Variants in TPR observed in about 807,000 individuals in gnomAD.
TPR encodes the protein nucleoprotein TPR.
TPR carries 51 observed loss-of-function variants against 316.1 expected under a neutral mutation model. The ratio of observed to expected loss-of-function variants is 0.16; its 90% CI spans 0.13 to 0.20. The LOEUF is 0.20. TPR is among the 10% of genes least tolerant of loss of function. The pLI is 1.00. For missense variants in TPR, 2,272 were observed against 2,754.8 expected (o/e 0.82, Z 3.92); for synonymous variants, 981 against 914.7 (o/e 1.07, Z -1.31).
intron 48 of TPR, 120 bp downstream of exon 48, chr1:186,318,327 C>G: frequency 4.0e-6 from 4 of 1,003,480 alleles, no homozygotes; most frequent in Non-Finnish European, 5.4e-6. Context: ...GACTCTGTCT[C>G]AAAAAAAAAA....
In TPR at chr1:186,341,605, G is replaced by T. The variant is rs1377036886; in HGVS notation, c.3751-216C>A. 8.1e-6 allele frequency: 4 copies of T among 493,764 alleles called. No homozygotes were observed. The Admixed American group carries it at 1.5e-4, about 19-fold the overall frequency. 30.6% of individuals were successfully genotyped at this position (493,764 alleles called of 1,614,324 possible). On this transcript the variant is annotated intron_variant, in intron 27 of 50. Coordinates refer to ENST00000367478, the MANE Select transcript of TPR (RefSeq NM_003292.3). ...AGAATTACAAAGACAAAAGTGAAAAGATGCTACAAATCCCACCAACAAAGT... is the reference window on the plus strand; with the variant it reads ...AGAATTACAAAGACAAAAGTGAAAATATGCTACAAATCCCACCAACAAAGT...
chr1:186,317,781 T>C (rs2102049053), intron 48 of TPR, among the ~76,000 whole-genome samples, 181 bp from the exon 49 acceptor site: 1 of 152,334 alleles, frequency 6.6e-6, no homozygotes, highest in South Asian at 2.1e-4. Flanking sequence ...AGAGCTCAAA[T>C]TGTTTTTTCC....
intron 45 of TPR, 38 bp downstream of exon 45, chr1:186,322,280 G>A: frequency 6.5e-7 from 1 of 1,545,310 alleles, no homozygotes; most frequent in Non-Finnish European, 8.8e-7. Context: ...CTAAAAGTTT[G>A]ATTAGTTATA....
intron 17 of TPR, 92 bp from the exon 18 acceptor site, chr1:186,353,942 C>T (rs1193501081): frequency 1.7e-6 from 2 of 1,162,396 alleles, no homozygotes; most frequent in South Asian, 1.5e-5. Flanking sequence ...CCCATTTCCC[C>T]AAATGCCCTG....
rs779051971 is a variant in TPR at position 186,339,821 on chromosome 1, A to G, written c.4021-49T>C. The G allele has an allele frequency of 2.7e-6, 4 of 1,477,068 alleles. No individual in the cohort carries two copies. In the Admixed American group the frequency reaches 8.9e-5, roughly 33 times the overall value. 91.5% of individuals were successfully genotyped at this position (1,477,068 alleles called of 1,614,324 possible). A position where few individuals can be genotyped will look rare whatever the true frequency, so the allele number is the denominator to read the frequency against. ...TGATTTTTTTAGGTTTTATGAAACAAATGTGCTATAATAAAATGGCAGAAT... is the reference window on the plus strand; with the variant it reads ...TGATTTTTTTAGGTTTTATGAAACAGATGTGCTATAATAAAATGGCAGAAT... On this transcript the variant is annotated intron_variant, in intron 29 of 50. Coordinates refer to ENST00000367478, the MANE Select transcript of TPR (RefSeq NM_003292.3).
rs1234194438 is a variant in TPR at position 186,312,006 on chromosome 1, A to C, written c.*1965T>G. ...TTCATTCAACAAGTATTTCAGTTTA[A>C]TAATTATTTTTATAATACCCTTGAC... On this transcript the variant is annotated 3_prime_UTR_variant, in exon 51 of 51. Coordinates refer to ENST00000367478, the MANE Select transcript of TPR (RefSeq NM_003292.3). 5.0e-6 allele frequency: 3 copies of C among 602,840 alleles called. No homozygotes were observed. In the East Asian group the frequency reaches 8.5e-5, roughly 17 times the overall value. 37.3% of individuals were successfully genotyped at this position (602,840 alleles called of 1,614,324 possible).
At chr1:186,350,424 T>A (rs1658824649) in intron 20 of TPR, 36 bp from the exon 21 acceptor site, 1 of 1,447,506 alleles carries the variant, frequency 6.9e-7, no homozygotes, top group African/African-American at 1.4e-5. Flanking sequence ...ATTCTTTAGG[T>A]TCCTAAGTAA....
rs1399581529 is a variant in TPR, at chr1:186,333,230, G to A, written c.5347C>T (p.His1783Tyr). The change falls in exon 37 of 51, where the codon CAT becomes TAT. Residue 1783 changes from histidine (H) to tyrosine (Y), a missense_variant. Around this residue, in one of 10 missense-constraint regions of TPR, gnomAD observed 435 missense variants for 461.1 expected, o/e 0.94. Transcript: ENST00000367478. ...TGATTGGCAGGCTCAATCTGAGGAT[G>A]ACTCTGTTGAGTGGGTTGCACAAAA... ...TAFVQPTQQS[H>Y]PQIEPANQEL... 1 of 1,613,692 alleles carries A rather than the reference G, an allele frequency of 6.2e-7. No individual in the cohort carries two copies. The highest frequency in any genetic ancestry group is 8.5e-7 in the Non-Finnish European group (1 of 1,179,712).
intron 39 of TPR, 124 bp from the exon 40 acceptor site, chr1:186,327,784 TTTAA>T: frequency 3.5e-6 from 3 of 860,480 alleles, no homozygotes; most frequent in African/African-American, 1.7e-5. Context: ...CAGCATTTAA[TTTAA>T]TTTTTTTTTT....
intron 10 of TPR, 132 bp downstream of exon 10, chr1:186,360,633 T>C: frequency 8.1e-7 from 1 of 1,230,108 alleles, no homozygotes; most frequent in East Asian, 2.6e-5. Flanking sequence ...TTAAAACAAA[T>C]TCTATTAATA....
Position 186,343,441 on chromosome 1 carries a change from G to C in TPR, c.3635C>G (p.Thr1212Ser). Residue 1212 changes from threonine (T) to serine (S), a missense_variant, in exon 27 of 51, where the codon ACT (threonine) becomes AGT (serine). By Grantham distance (58) the Thr-to-Ser change is moderately conservative. Coordinates refer to ENST00000367478, the MANE Select transcript of TPR (RefSeq NM_003292.3). Reference protein sequence around the residue: ...FIRREKEIAETRFEVAQVESL... With the variant: ...FIRREKEIAESRFEVAQVESL... ...CTCAACCTGAGCCACCTCAAACCTA[G>C]TTTCAGCAATTTCTTTTTCTCGTCG... The C allele has an allele frequency of 6.2e-7, 1 of 1,613,100 alleles. No individual in the cohort carries two copies. Among genetic ancestry groups the C allele is most frequent in the African/African-American group, 1.3e-5 (1 of 74,996 alleles).
At chr1:186,331,183 C>T (rs1436061821) in intron 39 of TPR, among the ~76,000 whole-genome samples, 3 of 151,998 alleles carry the variant, frequency 2.0e-5, no homozygotes, top group African/African-American at 7.2e-5. Flanking sequence ...TATAAATTAA[C>T]TCAAGATGCA....
intron 36 of TPR, among the ~76,000 whole-genome samples, chr1:186,334,074 T>A (rs1658266726): frequency 6.6e-6 from 1 of 152,158 alleles, no homozygotes; most frequent in Non-Finnish European, 1.5e-5. Context: ...AATGGTCAGT[T>A]TCAGTGAGAA....
intron 21 of TPR, among the ~76,000 whole-genome samples, chr1:186,349,875 T>G (rs1658807832): frequency 6.6e-6 from 1 of 152,142 alleles, no homozygotes; most frequent in African/African-American, 2.4e-5. Flanking sequence ...TCTTGCAGAT[T>G]TGGTAAGCAA....
At chr1:186,331,403 T>C in intron 39 of TPR, 95 bp downstream of exon 39, 1 of 670,938 alleles carries the variant, frequency 1.5e-6, no homozygotes, top group Non-Finnish European at 2.4e-6. Context: ...AAGAACAAGC[T>C]AAAAAAAAAA....
rs763161530 is a variant in TPR, at chr1:186,360,899, T to C, written c.965A>G (p.Lys322Arg). Residue 322 changes from lysine (K) to arginine (R), a missense_variant, in exon 10 of 51, where the codon AAA (lysine) becomes AGA (arginine). By Grantham distance (26) the Lys-to-Arg change is conservative. Transcript: ENST00000367478. Reference protein sequence around the residue: ...KLLKEAGEANKAIQDHLLEVE... With the variant: ...KLLKEAGEANRAIQDHLLEVE... Reference sequence around the variant, plus strand: ...CTCTAGAAGATGATCTTGTATTGCTTTGTTGGCTAAAAAACAATTTTAAAG... The same window carrying C: ...CTCTAGAAGATGATCTTGTATTGCTCTGTTGGCTAAAAAACAATTTTAAAG... 17 of 1,605,162 alleles carry C rather than the reference T, an allele frequency of 1.1e-5. No homozygotes were observed. The highest frequency in any genetic ancestry group is 1.3e-5 in the African/African-American group (1 of 74,344).
chr1:186,363,074 C>T, intron 5 of TPR, 73 bp from the exon 6 acceptor site: 5 of 1,453,128 alleles, frequency 3.4e-6, no homozygotes, highest in Non-Finnish European at 4.6e-6. Context: ...TTGTCTGTAG[C>T]TAAGGGACAC....
chr1:186,333,412 T>G lies in TPR; in HGVS notation c.5183-18A>C. On this transcript the variant is annotated intron_variant, in intron 36 of 50. Transcript: ENST00000367478. Reference sequence around the variant, plus strand: ...CTGCATAGCTGAAAAATAATTATAATGCTGAATATAAGCCTTCTACTTTTA... The same window carrying G: ...CTGCATAGCTGAAAAATAATTATAAGGCTGAATATAAGCCTTCTACTTTTA... 1 of 1,611,144 alleles carries G rather than the reference T, an allele frequency of 6.2e-7. No homozygotes were observed. Among genetic ancestry groups the G allele is most frequent in the Non-Finnish European group, 8.5e-7 (1 of 1,178,352 alleles).
intron 2 of TPR, among the ~76,000 whole-genome samples, chr1:186,372,740 C>G (rs982767966): frequency 1.3e-5 from 2 of 152,058 alleles, no homozygotes; most frequent in African/African-American, 4.8e-5. Flanking sequence ...GACATATCAT[C>G]CTCCTAAGAA....
Sources: allele counts gnomAD v4.1 joint callset (sites outside exome capture counted in the v4.1 genomes callset), GRCh38; gene constraint gnomAD v4.1.1; regional missense constraint gnomAD v4.1.1; transcripts MANE v1.5; gene names NCBI Gene and HGNC (gene_info 2026-07-23, HGNC 2026-07-21).